GALNT2: variants seen among roughly 807,000 people sequenced by gnomAD.
GALNT2 encodes the protein polypeptide N-acetylgalactosaminyltransferase 2, also known as UDP-GalNAc:polypeptide N-acetylgalactosaminyltransferase 2.
A neutral mutation model predicts 81.4 loss-of-function variants in GALNT2; 31 were observed. The observed-to-expected ratio is 0.38, with a 90% CI of 0.29 to 0.51. The LOEUF is 0.51. GALNT2 is among the 20% of genes least tolerant of loss of function. The pLI is 0.87. For synonymous variants in GALNT2, 303 were observed against 287.4 expected (o/e 1.05, Z -0.55); for missense variants, 629 against 765.7 (o/e 0.82, Z 2.11).
chr1:230,249,735 G>C (rs1233288503), intron 9 of GALNT2, among the ~76,000 whole-genome samples: 1 of 152,212 alleles, frequency 6.6e-6, no homozygotes, highest in African/African-American at 2.4e-5. Flanking sequence ...GAGTCAGGAT[G>C]CCTTCTCTAG....
intron 14 of GALNT2, among the ~76,000 whole-genome samples, chr1:230,267,522 G>A (rs934694342): frequency 6.6e-6 from 1 of 152,230 alleles, no homozygotes; most frequent in Non-Finnish European, 1.5e-5. Context: ...GGGCTGTGAG[G>A]ACACTCCCCA....
chr1:230,120,375 G>C (rs559275580), intron 1 of GALNT2, among the ~76,000 whole-genome samples: 1 of 152,000 alleles, frequency 6.6e-6, no homozygotes, highest in Non-Finnish European at 1.5e-5. Flanking sequence ...GATGTCATCT[G>C]CTCCCATGTC....
At chr1:230,196,826 G>A (rs1161877572) in intron 2 of GALNT2, among the ~76,000 whole-genome samples, 1 of 152,150 alleles carries the variant, frequency 6.6e-6, no homozygotes, top group African/African-American at 2.4e-5. Flanking sequence ...AATGGTAAAG[G>A]AAGGTGCCCA....
intron 1 of GALNT2, among the ~76,000 whole-genome samples, chr1:230,175,743 A>G (rs1461271555): frequency 6.7e-6 from 1 of 148,634 alleles, no homozygotes; most frequent in African/African-American, 2.5e-5. Context: ...TAAGATGATA[A>G]TCTGCAGGTT....
intron 1 of GALNT2, among the ~76,000 whole-genome samples, chr1:230,169,512 C>T (rs1029464669): frequency 1.3e-5 from 2 of 152,120 alleles, no homozygotes; most frequent in Admixed American, 6.5e-5. Context: ...TTCATCTGTG[C>T]GTAGCTATAG....
intron 1 of GALNT2, among the ~76,000 whole-genome samples, chr1:230,095,330 C>T (rs572942859): frequency 1.3e-5 from 2 of 152,268 alleles, no homozygotes; most frequent in South Asian, 2.1e-4. Flanking sequence ...TTCACCTATC[C>T]GTTATAGAAA....
At chr1:230,248,091 C>T (rs778860384) in intron 8 of GALNT2, among the ~76,000 whole-genome samples, 44 of 152,266 alleles carry the variant, frequency 2.9e-4, no homozygotes, top group Admixed American at 8.5e-4. Context: ...TGCCTGAGGC[C>T]ACTCTATCCT....
intron 2 of GALNT2, among the ~76,000 whole-genome samples, chr1:230,187,391 C>T (rs1273431012): frequency 6.6e-6 from 1 of 152,262 alleles, no homozygotes; most frequent in Non-Finnish European, 1.5e-5. Flanking sequence ...CCACAGCTCT[C>T]AGCCCCTCAT....
At chr1:230,153,615 C>G (rs958306754) in intron 1 of GALNT2, among the ~76,000 whole-genome samples, 1 of 152,222 alleles carries the variant, frequency 6.6e-6, no homozygotes, top group African/African-American at 2.4e-5. Flanking sequence ...ATTCACCAAT[C>G]ATCAGGCCCC....
intron 1 of GALNT2, among the ~76,000 whole-genome samples, chr1:230,142,894 C>A (rs575373521): frequency 6.6e-6 from 1 of 152,190 alleles, no homozygotes. Context: ...TGAGAATTGG[C>A]CCGTACCCTG....
At position 230,107,034 on chromosome 1, in the gene GALNT2, C is replaced by T. The variant is rs56313636; in HGVS notation, c.126+39628C>T. On this transcript the variant is annotated intron_variant, in intron 1 of 15. Coordinates refer to ENST00000366672, the MANE Select transcript of GALNT2 (RefSeq NM_004481.5). ...GGGCTGGACAGAAGGAAGCTGGCTC[C>T]GAGAGCTAGACTGCAGTGCAGAGGA... 2.3e-3 allele frequency among the ~76,000 whole-genome samples: 346 copies of T among 152,296 alleles called. 2 individuals carry two copies. Among genetic ancestry groups the T allele is most frequent in the African/African-American group, 8.0e-3 (334 of 41,562 alleles).
chr1:230,140,108 G>T (rs945968472), intron 1 of GALNT2, among the ~76,000 whole-genome samples: 1 of 152,230 alleles, frequency 6.6e-6, no homozygotes, highest in Non-Finnish European at 1.5e-5. Context: ...CTCCCCCACG[G>T]GGCTTCTGTC....
chr1:230,183,234 G>A (rs540610596), intron 2 of GALNT2, among the ~76,000 whole-genome samples: 7 of 152,144 alleles, frequency 4.6e-5, no homozygotes, highest in African/African-American at 1.7e-4. Context: ...CACAATCTTG[G>A]TATTTTCTTT....
chr1:230,138,182 G>T (rs930057193), intron 1 of GALNT2, among the ~76,000 whole-genome samples: 1 of 152,184 alleles, frequency 6.6e-6, no homozygotes, highest in Non-Finnish European at 1.5e-5. Context: ...GCACAAGAAA[G>T]AATTCAGGGT....
intron 1 of GALNT2, among the ~76,000 whole-genome samples, chr1:230,145,029 G>C (rs182747601): frequency 2.0e-5 from 3 of 152,100 alleles, no homozygotes; most frequent in African/African-American, 7.2e-5. Flanking sequence ...GAGGCCCGGC[G>C]GAGCATCCCA....
intron 1 of GALNT2, among the ~76,000 whole-genome samples, chr1:230,144,659 G>A (rs1287036326): frequency 6.6e-6 from 1 of 152,088 alleles, no homozygotes; most frequent in East Asian, 1.9e-4. Flanking sequence ...TGTGTGGTGG[G>A]GAGTTAGGGG....
Position 230,168,182 on chromosome 1 carries a change from C to T in GALNT2, c.127-10036C>T, listed in dbSNP as rs369172521. 1.4e-3 allele frequency among the ~76,000 whole-genome samples: 153 copies of T among 112,966 alleles called. 1 individual carries two copies. The highest frequency in any genetic ancestry group is 3.5e-3 in the African/African-American group (143 of 40,290). 74.1% of individuals were successfully genotyped at this position (112,966 alleles called of 152,430 possible). A position where few individuals can be genotyped will look rare whatever the true frequency, so the allele number is the denominator to read the frequency against. ...AGCCATAAAAGACTCCTTAAAGTGT[C>T]GGGCGCTCAGCTAACTTAGGGCTAG... On this transcript the variant is annotated intron_variant, in intron 1 of 15. Transcript: ENST00000366672.
intron 1 of GALNT2, among the ~76,000 whole-genome samples, chr1:230,116,738 G>T (rs113437338): frequency 6.6e-6 from 1 of 152,074 alleles, no homozygotes; most frequent in Non-Finnish European, 1.5e-5. Context: ...GTCTCAACAC[G>T]GACTTAAAAT....
chr1:230,084,057 G>A (rs1232662191), intron 1 of GALNT2, among the ~76,000 whole-genome samples: 1 of 152,162 alleles, frequency 6.6e-6, no homozygotes, highest in East Asian at 1.9e-4. Context: ...ATGTCACTTT[G>A]GACACCCGAG....
Sources: allele counts gnomAD v4.1 joint callset (sites outside exome capture counted in the v4.1 genomes callset), GRCh38; gene constraint gnomAD v4.1.1; transcripts MANE v1.5; gene names NCBI Gene and HGNC (gene_info 2026-07-23, HGNC 2026-07-21).